Variants in PCDH9 observed in about 807,000 individuals in gnomAD.
PCDH9 encodes the protein protocadherin-9.
PCDH9 carries 24 observed loss-of-function variants against 70.6 expected under a neutral mutation model. The ratio of observed to expected loss-of-function variants is 0.34; its 90% CI spans 0.25 to 0.48. PCDH9 has a LOEUF of 0.48. Among genes scored for constraint, PCDH9 ranks in the 20% least tolerant of loss-of-function variants. The pLI is 0.99. For missense variants in PCDH9, 1,281 were observed against 1,503.6 expected, an observed-to-expected ratio of 0.85 and a Z score of 2.45; for synonymous variants, 562 against 558.5, an observed-to-expected ratio of 1.01 and a Z score of -0.09.
At chr13:66,667,679 T>C (rs1464829047) in intron 3 of PCDH9, among the ~76,000 whole-genome samples, 1 of 152,192 alleles carries the variant, frequency 6.6e-6, no homozygotes, top group East Asian at 1.9e-4. Context: ...TTGATCTTTT[T>C]GCCATAGAGG....
chr13:66,744,597 G>C (rs2079328992), intron 3 of PCDH9, among the ~76,000 whole-genome samples: 2 of 151,744 alleles, frequency 1.3e-5, no homozygotes, highest in African/African-American at 2.4e-5. Flanking sequence ...TCATTTTACT[G>C]GATATATTAA....
intron 3 of PCDH9, among the ~76,000 whole-genome samples, chr13:66,717,186 T>TG (rs1209820150): frequency 6.6e-6 from 1 of 151,886 alleles, no homozygotes; most frequent in African/African-American, 2.4e-5. Flanking sequence ...CCGGGCACGG[T>TG]GGCTCACGCC....
intron 3 of PCDH9, among the ~76,000 whole-genome samples, chr13:66,884,923 A>G (rs750282017): frequency 8.3e-4 from 126 of 152,166 alleles, no homozygotes; most frequent in Non-Finnish European, 3.2e-4. Context: ...ATTACTGCCT[A>G]TCTCAGTAAG....
intron 2 of PCDH9, among the ~76,000 whole-genome samples, chr13:67,020,224 G>A (rs1289851604): frequency 6.6e-6 from 1 of 152,038 alleles, no homozygotes; most frequent in African/African-American, 2.4e-5. Context: ...AACAACAAAA[G>A]CTTTTATTAA....
intron 2 of PCDH9, among the ~76,000 whole-genome samples, chr13:67,127,396 GTTT>G (rs1330700242): frequency 1.3e-5 from 2 of 152,052 alleles, no homozygotes; most frequent in African/African-American, 4.8e-5. Flanking sequence ...TCGTGGAGTG[GTTT>G]TCCTGTTGTG....
At chr13:66,745,048 A>C (rs9571642) in intron 3 of PCDH9, among the ~76,000 whole-genome samples, 12,563 of 152,212 alleles carry the variant, frequency 0.083, 530 homozygotes, top group East Asian at 0.13. Context: ...TAAACTTAGC[A>C]ATTTACTTTT....
At position 66,903,602 on chromosome 13, in the gene PCDH9, T is replaced by A. The variant is rs1231375731; in HGVS notation, c.3040A>T (p.Asn1014Tyr). The A allele has an allele frequency of 7.2e-7, 1 of 1,398,492 alleles. No individual in the cohort carries two copies. Among genetic ancestry groups the A allele is most frequent in the African/African-American group, 1.4e-5 (1 of 70,200 alleles). 86.6% of individuals were successfully genotyped at this position (1,398,492 alleles called of 1,614,324 possible). A position where few individuals can be genotyped will look rare whatever the true frequency, so the allele number is the denominator to read the frequency against. The change falls in exon 3 of 5, where the codon AAC becomes TAC. Residue 1014 changes from asparagine to tyrosine, a missense_variant. Physicochemically the swap from Asn to Tyr is moderately radical, Grantham distance 143 (BLOSUM62 -2). This residue lies in a region of PCDH9 where 264 missense variants were observed against 278.8 expected (regional missense o/e 0.95). Coordinates refer to ENST00000377865, the MANE Select transcript of PCDH9 (RefSeq NM_203487.3). ...TKGPLHTRQCNSHSKSDNIPV... is the reference protein window; with the variant it reads ...TKGPLHTRQCYSHSKSDNIPV... ...ATATTGTCACTTTTGCTGTGTGAGT[T>A]ACACTGAAAGAGATTACCAAATAAT...
rs371120504 is a variant in PCDH9, at chr13:66,948,575, T to C, written c.3037-44970A>G. Among the ~76,000 whole-genome samples the C allele has an allele frequency of 1.1e-4, 16 of 152,058 alleles. No homozygotes were observed. In the East Asian group the frequency reaches 2.1e-3, roughly 20 times the overall value. The stretch of plus-strand genomic sequence containing the variant: ...ATGGCACTGAAAAGCTTATCTTTAA[T>C]TGTAAACTCCATGATACAAAAGTAT... On this transcript the variant is annotated intron_variant, in intron 2 of 4. Transcript: ENST00000377865.
intron 4 of PCDH9, among the ~76,000 whole-genome samples, chr13:66,402,344 AT>A (rs1366583522): frequency 6.6e-6 from 1 of 152,118 alleles, no homozygotes; most frequent in African/African-American, 2.4e-5. Context: ...AAGAAAAAAA[AT>A]GATTTATTTG....
intron 3 of PCDH9, among the ~76,000 whole-genome samples, chr13:66,883,249 C>A (rs2081951187): frequency 6.6e-6 from 1 of 152,108 alleles, no homozygotes. Flanking sequence ...AATTTAACTC[C>A]TTTTTAAACC....
chr13:66,798,836 G>C (rs559647293), intron 3 of PCDH9, among the ~76,000 whole-genome samples: 1 of 151,276 alleles, frequency 6.6e-6, no homozygotes, highest in South Asian at 2.1e-4. Context: ...TTCTTTTTGA[G>C]ACACAGTCTC....
intron 4 of PCDH9, among the ~76,000 whole-genome samples, chr13:66,422,457 C>T (rs1329997825): frequency 1.3e-5 from 2 of 152,028 alleles, no homozygotes; most frequent in Non-Finnish European, 2.9e-5. Context: ...ATAACAGTCT[C>T]TCAGACCACA....
intron 4 of PCDH9, among the ~76,000 whole-genome samples, chr13:66,468,471 A>C (rs965941758): frequency 6.6e-6 from 1 of 152,120 alleles, no homozygotes; most frequent in African/African-American, 2.4e-5. Flanking sequence ...AAACTGTTAG[A>C]ATTGTCCCAT....
chr13:66,362,708 G>A (rs547001175), intron 4 of PCDH9, among the ~76,000 whole-genome samples: 2 of 152,016 alleles, frequency 1.3e-5, no homozygotes, highest in South Asian at 4.2e-4. Context: ...GTTTCATTAA[G>A]GGTATGTTTC....
chr13:66,586,886 A>G (rs1166430237), intron 4 of PCDH9, among the ~76,000 whole-genome samples: 1 of 152,142 alleles, frequency 6.6e-6, no homozygotes, highest in Non-Finnish European at 1.5e-5. Flanking sequence ...CATCATGAGT[A>G]TCAACACTTT....
At chr13:67,132,980 A>G (rs2138335118) in intron 2 of PCDH9, among the ~76,000 whole-genome samples, 1 of 152,216 alleles carries the variant, frequency 6.6e-6, no homozygotes, top group East Asian at 1.9e-4. Context: ...TTAAAATGGC[A>G]TCTTTTTATA....
intron 4 of PCDH9, among the ~76,000 whole-genome samples, chr13:66,587,735 C>G (rs1244750711): frequency 6.6e-6 from 1 of 150,856 alleles, no homozygotes; most frequent in African/African-American, 2.4e-5. Flanking sequence ...CCTAAATGAT[C>G]TTTTTTCATG....
chr13:66,646,886 T>C (rs1459002469), intron 3 of PCDH9, among the ~76,000 whole-genome samples: 1 of 152,186 alleles, frequency 6.6e-6, no homozygotes, highest in Non-Finnish European at 1.5e-5. Context: ...ACAGTATCTG[T>C]ACACTTGAGG....
intron 4 of PCDH9, among the ~76,000 whole-genome samples, chr13:66,327,094 G>A: frequency 6.6e-6 from 1 of 151,948 alleles, no homozygotes; most frequent in East Asian, 1.9e-4. Context: ...TGTATACCAA[G>A]CCTTAGAAAT....
Sources: allele counts gnomAD v4.1 joint callset (sites outside exome capture counted in the v4.1 genomes callset), GRCh38; gene constraint gnomAD v4.1.1; regional missense constraint gnomAD v4.1.1; transcripts MANE v1.5; gene names NCBI Gene and HGNC (gene_info 2026-07-23, HGNC 2026-07-21).